AXIN2: variants seen among roughly 807,000 people sequenced by gnomAD.
AXIN2 encodes the protein axin 2, also known as axin-2.
A neutral mutation model predicts 74.7 loss-of-function variants in AXIN2; 21 were observed. The ratio of observed to expected loss-of-function variants is 0.28; its 90% CI spans 0.20 to 0.40. The LOEUF is 0.40. AXIN2 is among the 10% of genes least tolerant of loss of function. The pLI, the probability that AXIN2 is intolerant of heterozygous loss-of-function variation, is 1.00. For missense variants in AXIN2, 1,144 were observed against 1,111.1 expected (o/e 1.03, Z -0.42); for synonymous variants, 532 against 454.9 (o/e 1.17, Z -2.16).
At chr17:65,534,200 G>A (rs1466552297) in intron 9 of AXIN2, 121 bp from the exon 10 acceptor site, 79 of 1,285,928 alleles carry the variant, frequency 6.1e-5, no homozygotes, top group Non-Finnish European at 8.5e-5. Context: ...GGCTGCAATT[G>A]TAAACCCAAA....
At chr17:65,559,960 G>A (rs2044338512) in intron 1 of AXIN2, 1 of 152,196 alleles carries the variant, frequency 6.6e-6, no homozygotes, top group South Asian at 2.1e-4. Context: ...TTACCTGGAA[G>A]ACGAAGGCCG....
rs145022269 is a variant in AXIN2 at position 65,538,167 on chromosome 17, T to A, written c.1200+36A>T. ...CATACACATACGAGCGCTCACGCCG[T>A]GGACGGAAGCAGGAAGAAGGCCTAG... On this transcript the variant is annotated intron_variant, in intron 5 of 10. Coordinates refer to ENST00000307078, the MANE Select transcript of AXIN2 (RefSeq NM_004655.4). The A allele has an allele frequency of 4.7e-4, 751 of 1,613,824 alleles. 22 individuals are homozygous for A. The East Asian group carries it at 0.017, about 36-fold the overall frequency.
At chr17:65,556,780 C>T (rs758885228) in intron 2 of AXIN2, among the ~76,000 whole-genome samples, 4 of 152,104 alleles carry the variant, frequency 2.6e-5, no homozygotes, top group African/African-American at 4.8e-5. Context: ...GCTATCAGAC[C>T]GCATCCTGGG....
At chr17:65,557,363 A>G (rs923513542) in intron 2 of AXIN2, among the ~76,000 whole-genome samples, 7 of 152,150 alleles carry the variant, frequency 4.6e-5, no homozygotes, top group Admixed American at 6.6e-5. Context: ...ATGGGTGCAC[A>G]TATTATTTCC....
chr17:65,560,025 A>T (rs888106015), intron 1 of AXIN2: 1 of 152,154 alleles, frequency 6.6e-6, no homozygotes, highest in South Asian at 2.1e-4. Flanking sequence ...CCCCGGCCCA[A>T]ATGCAACTGA....
chr17:65,538,073 CGCAGCCCACGCGCATGCGCAT>C lies in AXIN2; in HGVS notation c.1200+109_1200+129del, dbSNP rs753361517. ...GCCCACGCCCAGGCACACACCCACA[CGCAGCCCACGCGCATGCGCAT>C]GCAACCCACGCACATGCGCACACCC... is the stretch of plus-strand genomic sequence containing the variant. On this transcript the variant is annotated intron_variant, in intron 5 of 10. Coordinates refer to ENST00000307078, the MANE Select transcript of AXIN2 (RefSeq NM_004655.4). 2.0e-6 allele frequency: 3 copies of C among 1,518,160 alleles called. No homozygotes were observed. In the Admixed American group the frequency reaches 5.7e-5, roughly 29 times the overall value. The allele number at this position is 1,518,160 out of a possible 1,614,324, so 94.0% of individuals were successfully genotyped here. A position where few individuals can be genotyped will look rare whatever the true frequency, so the allele number is the denominator to read the frequency against.
chr17:65,533,304 G>C (rs540315838), intron 10 of AXIN2, among the ~76,000 whole-genome samples: 1 of 152,308 alleles, frequency 6.6e-6, no homozygotes, highest in African/African-American at 2.4e-5. Flanking sequence ...CCCACCCGCA[G>C]GTCCAGCCCC....
intron 4 of AXIN2, among the ~76,000 whole-genome samples, chr17:65,540,943 G>A (rs1026691667): frequency 7.9e-5 from 12 of 152,136 alleles, no homozygotes; most frequent in South Asian, 4.1e-4. Context: ...GTGCACTGGC[G>A]TTAGCTCACT....
chr17:65,541,652 G>A (rs117106396), intron 3 of AXIN2, 95 bp from the exon 4 acceptor site: 341 of 1,029,882 alleles, frequency 3.3e-4, no homozygotes, highest in African/African-American at 4.6e-4. Context: ...AGATCCCGCC[G>A]ACAGGGCCAC....
intron 10 of AXIN2, 75 bp downstream of exon 10, chr17:65,533,837 G>A (rs898672544): frequency 7.0e-7 from 1 of 1,432,246 alleles, no homozygotes; most frequent in Non-Finnish European, 9.5e-7. Context: ...GCTCAGCCAG[G>A]GGAGCTGCTC....
At chr17:65,538,896 C>T (rs1257872961) in intron 4 of AXIN2, among the ~76,000 whole-genome samples, 1 of 152,062 alleles carries the variant, frequency 6.6e-6, no homozygotes, top group Non-Finnish European at 1.5e-5. Flanking sequence ...CCGCACACTG[C>T]GCACCTTTGA....
intron 1 of AXIN2, chr17:65,559,583 C>G (rs1294796740): frequency 2.0e-5 from 3 of 152,134 alleles, no homozygotes; most frequent in Non-Finnish European, 4.4e-5. Flanking sequence ...CGCCCCCGTG[C>G]CCCCAACCCA....
rs149483825 is a variant in AXIN2 at position 65,537,626 on chromosome 17, G to A, written c.1410C>T (p.His470=). The change falls in exon 6 of 11, where the codon CAC becomes CAT. Residue 470 remains histidine, a synonymous_variant. Transcript: ENST00000307078. ...AGTGGTACTGCGAATGGTGGTGGTG[G>A]TGGTGGTCCGGGGAGCGGGAGCGGG... ...YSPRSRSPDH[H]HHHHSQYHSL... 7.3e-4 allele frequency: 1,168 copies of A among 1,592,670 alleles called. 9 individuals are homozygous for A. The African/African-American group carries it at 0.012, about 17-fold the overall frequency.
At position 65,528,793 on chromosome 17, in the gene AXIN2, G is replaced by GGGC. The variant is rs1158473708; in HGVS notation, c.*1180_*1182dup. ...AGGGAAAGCTTGAGCCCTCAATATA[G>GGGC]GGCGACACACGGAGCGGGTGACCGT... On this transcript the variant is annotated 3_prime_UTR_variant, in exon 11 of 11. Transcript: ENST00000307078. 2 of 488,802 alleles carry GGGC rather than the reference G, an allele frequency of 4.1e-6. No individual in the cohort carries two copies. The highest frequency in any genetic ancestry group is 7.9e-5 in the East Asian group (2 of 25,260). The allele number at this position is 488,802 out of a possible 1,614,324, so 30.3% of individuals were successfully genotyped here.
chr17:65,529,196 C>G lies in AXIN2; in HGVS notation c.*780G>C, dbSNP rs2043776219. The G allele has an allele frequency of 4.3e-6, 1 of 234,532 alleles. No homozygotes were observed. Among genetic ancestry groups the G allele is most frequent in the African/African-American group, 2.2e-5 (1 of 45,474 alleles). 14.5% of individuals were successfully genotyped at this position (234,532 alleles called of 1,614,324 possible). A position where few individuals can be genotyped will look rare whatever the true frequency, so the allele number is the denominator to read the frequency against. On this transcript the variant is annotated 3_prime_UTR_variant, in exon 11 of 11. Coordinates refer to ENST00000307078, the MANE Select transcript of AXIN2 (RefSeq NM_004655.4). ...AGGCTACATGAGGGGGAGCCTCAGT[C>G]ACAGGATCAACCTGGGGCCCGAAGG... is the stretch of plus-strand genomic sequence containing the variant.
chr17:65,556,363 T>C (rs1210075621), intron 2 of AXIN2, among the ~76,000 whole-genome samples: 2 of 152,132 alleles, frequency 1.3e-5, no homozygotes, highest in South Asian at 4.1e-4. Context: ...AATGGTCTCA[T>C]AATGGGGCGG....
intron 1 of AXIN2, among the ~76,000 whole-genome samples, chr17:65,559,717 AT>A (rs970553182): frequency 4.6e-5 from 7 of 152,200 alleles, no homozygotes; most frequent in Admixed American, 1.3e-4. Flanking sequence ...AAAAAGTCTT[AT>A]CTAACCAATA....
At chr17:65,551,757 T>TCA (rs1221502745) in intron 2 of AXIN2, among the ~76,000 whole-genome samples, 1 of 152,170 alleles carries the variant, frequency 6.6e-6, no homozygotes, top group Non-Finnish European at 1.5e-5. Context: ...CCTGTAATCA[T>TCA]CACAACCACC....
intron 10 of AXIN2, among the ~76,000 whole-genome samples, chr17:65,530,744 C>G (rs2043802402): frequency 6.6e-6 from 1 of 152,216 alleles, no homozygotes; most frequent in Non-Finnish European, 1.5e-5. Flanking sequence ...ACGGCACTGG[C>G]CCCATGATGC....
Sources: allele counts gnomAD v4.1 joint callset (sites outside exome capture counted in the v4.1 genomes callset), GRCh38; gene constraint gnomAD v4.1.1; transcripts MANE v1.5; gene names NCBI Gene and HGNC (gene_info 2026-07-23, HGNC 2026-07-21).